HIP1R: variants seen among roughly 807,000 people sequenced by gnomAD.
HIP1R encodes huntingtin-interacting protein 1-related protein.
A neutral mutation model predicts 144.2 loss-of-function variants in HIP1R; 135 were observed. The ratio of observed to expected loss-of-function variants is 0.94; its 90% CI spans 0.81 to 1.08. The LOEUF is 1.08. HIP1R is among the 50% of genes least tolerant of loss of function. The pLI is 0.00. For missense variants in HIP1R, 1,462 were observed against 1,432.8 expected (o/e 1.02, Z -0.33); for synonymous variants, 698 against 612.8 (o/e 1.14, Z -2.05).
intron 18 of HIP1R, chr12:122,857,455 A>G (rs2033623402): frequency 3.4e-6 from 2 of 590,796 alleles, no homozygotes; most frequent in Non-Finnish European, 6.1e-6. Context: ...GACAGACCAC[A>G]TTGTGTTTAT....
rs970720668 is a variant in HIP1R, at chr12:122,857,157, G to A, written c.1757G>A (p.Arg586Gln). The A allele has an allele frequency of 2.5e-5, 39 of 1,550,282 alleles. No individual in the cohort carries two copies. The highest frequency in any genetic ancestry group is 1.7e-4 in the Middle Eastern group (1 of 6,012). The change falls in exon 18 of 32, where the codon CGG becomes CAG. Residue 586 changes from arginine to glutamine, a missense_variant. Around this residue, in one of 2 missense-constraint regions of HIP1R, gnomAD observed 1,112 missense variants for 1,011.7 expected, o/e 1.10. Transcript: ENST00000253083. Reference protein sequence around the residue: ...LVRETEAALSREQQRSSQEQG... With the variant: ...LVRETEAALSQEQQRSSQEQG... ...CGCGAGACAGAGGCGGCGCTGAGCCGGGAGCAGCAGCGCAGCTCCCAGGAG... is the reference window on the plus strand; with the variant it reads ...CGCGAGACAGAGGCGGCGCTGAGCCAGGAGCAGCAGCGCAGCTCCCAGGAG...
chr12:122,857,097 G>C lies in HIP1R; in HGVS notation c.1697G>C (p.Arg566Pro), dbSNP rs759599791. ...GCTCTGAGTGGAGCTGTGCGGCAGC[G>C]GGAGGCAGACCTGCTGGCGGCGCAG... Reference protein sequence around the residue: ...KDALSGAVRQREADLLAAQSL... With the variant: ...KDALSGAVRQPEADLLAAQSL... Residue 566 changes from arginine (R) to proline (P), a missense_variant, in exon 18 of 32, where the codon CGG (arginine) becomes CCG (proline). Around this residue, in one of 2 missense-constraint regions of HIP1R, gnomAD observed 1,112 missense variants for 1,011.7 expected, o/e 1.10. Transcript: ENST00000253083. The C allele has an allele frequency of 1.3e-6, 2 of 1,551,152 alleles. No individual in the cohort carries two copies. The highest frequency in any genetic ancestry group is 1.7e-6 in the Non-Finnish European group (2 of 1,147,436).
upstream of HIP1R, chr12:122,835,048 TC>T: frequency 8.0e-7 from 1 of 1,255,998 alleles, no homozygotes; most frequent in Non-Finnish European, 1.0e-6. Flanking sequence ...TTGGCTGGGG[TC>T]CCTACCCTGG....
chr12:122,838,347 A>ATTTT (rs1402766294), intron 1 of HIP1R, among the ~76,000 whole-genome samples: 1 of 152,080 alleles, frequency 6.6e-6, no homozygotes, highest in African/African-American at 2.4e-5. Context: ...CCTTTTCAAA[A>ATTTT]TGGAGGTGAC....
rs555796676 is a variant in HIP1R, at chr12:122,862,639, G to A, written c.*886G>A. The A allele has an allele frequency of 5.3e-5, 8 of 152,348 alleles. No individual in the cohort carries two copies. Among genetic ancestry groups the A allele is most frequent in the African/African-American group, 1.7e-4 (7 of 41,542 alleles). The allele number at this position is 152,348 out of a possible 1,614,324, so 9.4% of individuals were successfully genotyped here. Reference sequence around the variant, plus strand: ...GGTGCTGGACCAGGGCCCTCAGGGAGGGGACCCTGCGGCTAGAGTGGGCTA... The same window carrying A: ...GGTGCTGGACCAGGGCCCTCAGGGAAGGGACCCTGCGGCTAGAGTGGGCTA... On this transcript the variant is annotated 3_prime_UTR_variant, in exon 32 of 32. Transcript: ENST00000253083.
rs2032907512 is a variant in HIP1R, at chr12:122,836,787, C to T, written c.93+1144C>T. Among the ~76,000 whole-genome samples the T allele has an allele frequency of 2.6e-5, 4 of 152,304 alleles. No individual in the cohort carries two copies. In the South Asian group the frequency reaches 8.3e-4, roughly 32 times the overall value. ...GTTGCCTTCACATCTAGTTAGCACA[C>T]GCACTCTACAACAGCTTTCGTTTTG... On this transcript the variant is annotated intron_variant, in intron 1 of 31. Coordinates refer to ENST00000253083, the MANE Select transcript of HIP1R (RefSeq NM_003959.3). The surrounding 1 kb of genome is among the most constrained non-coding windows in gnomAD (Gnocchi z 4.1).
chr12:122,862,806 T>G lies in HIP1R; in HGVS notation c.*1053T>G, dbSNP rs2033808558. 1 of 152,058 alleles carries G rather than the reference T, an allele frequency of 6.6e-6. No individual in the cohort carries two copies. Among genetic ancestry groups the G allele is most frequent in the Non-Finnish European group, 1.5e-5 (1 of 67,980 alleles). The allele number at this position is 152,058 out of a possible 1,614,324, so 9.4% of individuals were successfully genotyped here. A position where few individuals can be genotyped will look rare whatever the true frequency, so the allele number is the denominator to read the frequency against. On this transcript the variant is annotated 3_prime_UTR_variant, in exon 32 of 32. Coordinates refer to ENST00000253083, the MANE Select transcript of HIP1R (RefSeq NM_003959.3). Reference sequence around the variant, plus strand: ...GCTCCCCCCACCCCAGCCCTAGCCCTTTAGCCTTTCACCCTGTGCTCTGGA... The same window carrying G: ...GCTCCCCCCACCCCAGCCCTAGCCCGTTAGCCTTTCACCCTGTGCTCTGGA...
chr12:122,852,674 C>T (rs2033433228), intron 7 of HIP1R, among the ~76,000 whole-genome samples: 1 of 152,196 alleles, frequency 6.6e-6, no homozygotes, highest in African/African-American at 2.4e-5. Flanking sequence ...CACAAACGTC[C>T]TAAACATGCC....
intron 20 of HIP1R, 74 bp downstream of exon 20, chr12:122,858,509 T>C: frequency 1.6e-6 from 2 of 1,270,578 alleles, no homozygotes; most frequent in Non-Finnish European, 2.2e-6. Context: ...CTCTTGCCTT[T>C]TGGGAGGTTT....
Position 122,854,939 on chromosome 12 carries a change from C to T in HIP1R, c.753C>T (p.Asp251=). 3 of 1,612,332 alleles carry T rather than the reference C, an allele frequency of 1.9e-6. No individual in the cohort carries two copies. Among genetic ancestry groups the T allele is most frequent in the Non-Finnish European group, 2.5e-6 (3 of 1,179,496 alleles). The change falls in exon 9 of 32, where the codon GAC becomes GAT. Residue 251 remains aspartate, a synonymous_variant. Transcript: ENST00000253083. ...CGGACACCCTGCAAGGCCACAGGGA[C>T]CGGTTCCACGAGCAGTTTCACAGGT... ...LPADTLQGHR[D]RFHEQFHSLR... is the part of the protein sequence containing the mutation.
intron 1 of HIP1R, among the ~76,000 whole-genome samples, chr12:122,837,121 G>C (rs1488357529): frequency 6.6e-6 from 1 of 150,816 alleles, no homozygotes; most frequent in Non-Finnish European, 1.5e-5. Flanking sequence ...TTTATTCACT[G>C]AGTTTTTTCT....
chr12:122,855,743 T>C, intron 12 of HIP1R, 88 bp from the exon 13 acceptor site: 1 of 1,510,518 alleles, frequency 6.6e-7, no homozygotes, highest in Non-Finnish European at 9.0e-7. Flanking sequence ...AAATCCTGAG[T>C]GGCCACTGAG....
In HIP1R at chr12:122,855,337, G is replaced by T. The variant is rs994751614; in HGVS notation, c.925G>T (p.Ala309Ser). ...GCCGGTGGTGGTGATCCCCGAGGAG[G>T]CCCCGGAAGATGAGGAGCCGGAGAA... is the stretch of plus-strand genomic sequence containing the variant. The part of the protein sequence containing the change: ...IKPVVVIPEE[A>S]PEDEEPENLI... The change falls in exon 11 of 32, where the codon GCC (alanine) becomes TCC (serine). Residue 309 changes from alanine to serine, a missense_variant. Ala to Ser is a moderately conservative substitution (Grantham distance 99). This residue lies in a region of HIP1R where 350 missense variants were observed against 421.1 expected (regional missense o/e 0.83). Transcript: ENST00000253083. 1.9e-6 allele frequency: 3 copies of T among 1,610,622 alleles called. No individual in the cohort carries two copies. The highest frequency in any genetic ancestry group is 3.4e-5 in the Admixed American group (2 of 59,662).
intron 11 of HIP1R, 54 bp downstream of exon 11, chr12:122,855,459 C>T (rs2135667265): frequency 6.5e-7 from 1 of 1,548,604 alleles, no homozygotes. Flanking sequence ...AGCATGAGGC[C>T]AACGGGAGTG....
rs2033783090 is a variant in HIP1R at position 122,861,871 on chromosome 12, G to A, written c.*118G>A. 1.1e-6 allele frequency: 1 copy of A among 912,450 alleles called. No individual in the cohort carries two copies. 56.5% of individuals were successfully genotyped at this position (912,450 alleles called of 1,614,324 possible). A position where few individuals can be genotyped will look rare whatever the true frequency, so the allele number is the denominator to read the frequency against. ...GCCCAAGCCTCCCGCCCCACCGTCTGGATCAATGTCCTCAAGGCCCCTGGC... is the reference window on the plus strand; with the variant it reads ...GCCCAAGCCTCCCGCCCCACCGTCTAGATCAATGTCCTCAAGGCCCCTGGC... On this transcript the variant is annotated 3_prime_UTR_variant, in exon 32 of 32. Transcript: ENST00000253083.
chr12:122,849,966 C>T lies in HIP1R; in HGVS notation c.438+11C>T, dbSNP rs758962482. On this transcript the variant is annotated intron_variant, in intron 5 of 31. Transcript: ENST00000253083. ...TCCTTCCACCTCAAGGTGGTTTCCT[C>T]GGGGGAGTCATGGGGCTGAGGGACC... The T allele has an allele frequency of 1.3e-5, 21 of 1,604,938 alleles. No individual in the cohort carries two copies. The highest frequency in any genetic ancestry group is 5.4e-5 in the African/African-American group (4 of 74,718).
intron 20 of HIP1R, 145 bp downstream of exon 20, chr12:122,858,580 GAACC>G: frequency 1.4e-6 from 1 of 713,192 alleles, no homozygotes; most frequent in Non-Finnish European, 2.3e-6. Flanking sequence ...TCCTTCCCAG[GAACC>G]CACCCCTGCC....
chr12:122,849,747 G>T, intron 4 of HIP1R, 128 bp from the exon 5 acceptor site: 1 of 640,834 alleles, frequency 1.6e-6, no homozygotes. Flanking sequence ...GTGGTTGGTG[G>T]AGGCCAGGAG....
chr12:122,843,481 C>T (rs949398539), intron 1 of HIP1R, among the ~76,000 whole-genome samples: 9 of 152,226 alleles, frequency 5.9e-5, no homozygotes, highest in African/African-American at 1.4e-4. Flanking sequence ...GACCTGTCTG[C>T]TGGCCTTATG....
Sources: gnomAD v4.1 joint callset for allele counts (sites outside exome capture counted in the v4.1 genomes callset) on GRCh38, gnomAD v4.1.1 for gene constraint, gnomAD v4.1.1 regional missense constraint, Gnocchi (gnomAD v3.1) non-coding constraint, MANE v1.5 for transcripts, NCBI Gene and HGNC (gene_info 2026-07-23, HGNC 2026-07-21) for gene names.